Variants in COL10A1 observed in about 807,000 individuals in gnomAD.
The protein encoded by COL10A1 is collagen type X alpha 1 chain.
COL10A1 carries 10 observed loss-of-function variants against 18.2 expected under a neutral mutation model. That is an observed-to-expected ratio of 0.55 (90% CI 0.34 to 0.93). COL10A1 has a LOEUF of 0.93. Among genes scored for constraint, COL10A1 ranks in the 40% least tolerant of loss-of-function variants. COL10A1 has a pLI of 0.02. For synonymous variants in COL10A1, 330 were observed against 316.6 expected (o/e 1.04, Z -0.45); for missense variants, 897 against 853.5 (o/e 1.05, Z -0.64).
intron 2 of COL10A1, among the ~76,000 whole-genome samples, chr6:116,123,405 T>G (rs1484244784): frequency 6.6e-6 from 1 of 152,220 alleles, no homozygotes; most frequent in Non-Finnish European, 1.5e-5. Context: ...CATTCAAGAT[T>G]AGGGTGGCAC....
At chr6:116,197,221 G>C in the COL10A1 span, among the ~76,000 whole-genome samples, 5 of 152,050 alleles carry the variant, frequency 3.3e-5, no homozygotes, top group South Asian at 1.0e-3. Context: ...CCACGGATCT[G>C]CTTTGCCTGG....
At position 116,120,931 on chromosome 6, in the gene COL10A1, A is replaced by ACCTGGTTTTCCTGGGTAC. The variant is rs1779099963; in HGVS notation, c.1167_1184dup (p.Tyr390_Gly395dup). 1 of 1,613,440 alleles carries ACCTGGTTTTCCTGGGTAC rather than the reference A, an allele frequency of 6.2e-7. No homozygotes were observed. The highest frequency in any genetic ancestry group is 1.3e-5 in the African/African-American group (1 of 74,706). ...CTGGGTTACCCTTAGGACCATCGAGACCTGGTTTTCCTGGGTACCCTGGTT... is the reference window on the plus strand; with the variant it reads ...CTGGGTTACCCTTAGGACCATCGAGACCTGGTTTTCCTGGGTACCCTGGTTTTCCTGGGTACCCTGGTT... On this transcript the variant is annotated inframe_insertion, in exon 3 of 3. Transcript: ENST00000651968.
chr6:116,123,393 T>C (rs1779194168), intron 2 of COL10A1, among the ~76,000 whole-genome samples: 1 of 152,254 alleles, frequency 6.6e-6, no homozygotes, highest in African/African-American at 2.4e-5. Flanking sequence ...AAAAATTTTC[T>C]TCATTCAAGA....
intron 1 of COL10A1, among the ~76,000 whole-genome samples, chr6:116,155,231 C>T (rs150761614): frequency 1.4e-3 from 209 of 152,278 alleles, no homozygotes; most frequent in Non-Finnish European, 2.6e-3. Flanking sequence ...AGACAACTGT[C>T]GTGATGGTTA....
chr6:116,189,158 G>A, the COL10A1 span, among the ~76,000 whole-genome samples: 1 of 151,604 alleles, frequency 6.6e-6, no homozygotes, highest in African/African-American at 2.4e-5. Flanking sequence ...CTTGAATTTT[G>A]TTCTTTTTTT....
the COL10A1 span, among the ~76,000 whole-genome samples, chr6:116,209,470 T>G: frequency 6.6e-6 from 1 of 151,884 alleles, no homozygotes; most frequent in Non-Finnish European, 1.5e-5. Flanking sequence ...GATCTCAGAG[T>G]CTCAGAAGAA....
chr6:116,185,533 A>G, the COL10A1 span, among the ~76,000 whole-genome samples: 1 of 151,892 alleles, frequency 6.6e-6, no homozygotes, highest in African/African-American at 2.4e-5. Context: ...CTGTTTTATA[A>G]ATTTGGGAGC....
At chr6:116,170,769 A>G in the COL10A1 span, among the ~76,000 whole-genome samples, 2 of 152,298 alleles carry the variant, frequency 1.3e-5, no homozygotes, top group South Asian at 2.1e-4. Context: ...TCTGAAATCA[A>G]CTGAAAATAC....
At chr6:116,179,810 T>A in the COL10A1 span, among the ~76,000 whole-genome samples, 1 of 152,048 alleles carries the variant, frequency 6.6e-6, no homozygotes, top group African/African-American at 2.4e-5. Flanking sequence ...TAGAGTAATC[T>A]TATTTCTTTT....
chr6:116,127,440 C>T (rs2114317103), upstream of COL10A1, among the ~76,000 whole-genome samples: 1 of 152,084 alleles, frequency 6.6e-6, no homozygotes, highest in South Asian at 2.1e-4. Flanking sequence ...CTCATAGATA[C>T]ATATAAAATA....
At chr6:116,178,003 G>A in the COL10A1 span, among the ~76,000 whole-genome samples, 85 of 150,172 alleles carry the variant, frequency 5.7e-4, no homozygotes, top group Non-Finnish European at 1.5e-4. Flanking sequence ...TTACTTTGTG[G>A]AATTGTTTTA....
At chr6:116,196,404 A>G in the COL10A1 span, among the ~76,000 whole-genome samples, 1 of 152,170 alleles carries the variant, frequency 6.6e-6, no homozygotes, top group African/African-American at 2.4e-5. Flanking sequence ...AACCAGTTTT[A>G]CCTAATAGCA....
chr6:116,133,237 G>A (rs1040105105), intron 1 of COL10A1, among the ~76,000 whole-genome samples: 16 of 152,092 alleles, frequency 1.1e-4, no homozygotes, highest in African/African-American at 3.9e-4. Flanking sequence ...AGATCTTCAG[G>A]GATCTTGGCT....
At chr6:116,166,799 G>C in the COL10A1 span, among the ~76,000 whole-genome samples, 1 of 152,136 alleles carries the variant, frequency 6.6e-6, no homozygotes, top group Non-Finnish European at 1.5e-5. Flanking sequence ...ATGGTTCCCT[G>C]ATGTAAACTT....
rs142420929 is a variant in COL10A1 at position 116,133,768 on chromosome 6, A to G, written c.-15-8261T>C. 3.0e-3 allele frequency among the ~76,000 whole-genome samples: 459 copies of G among 152,240 alleles called. 2 individuals are homozygous for G. Among genetic ancestry groups the G allele is most frequent in the African/African-American group, 0.01 (434 of 41,554 alleles). On this transcript the variant is annotated intron_variant, in intron 1 of 1. Coordinates refer to the COL10A1 transcript ENST00000418500. ...CATCCCTGGTTCCTGCCTCTTGCCC[A>G]CCAGTAATGCTGACCAGATCACCTG...
the COL10A1 span, among the ~76,000 whole-genome samples, chr6:116,176,865 A>T: frequency 6.6e-6 from 1 of 152,126 alleles, no homozygotes; most frequent in African/African-American, 2.4e-5. Flanking sequence ...CTGTCCTGTG[A>T]TCTTCTCACT....
At chr6:116,130,014 A>T (rs576742813), upstream of COL10A1, among the ~76,000 whole-genome samples, 2 of 152,214 alleles carry the variant, frequency 1.3e-5, no homozygotes, top group East Asian at 1.9e-4. Context: ...GAAGCCCTTA[A>T]TTGCTGGTGT....
At chr6:116,174,260 C>T in the COL10A1 span, among the ~76,000 whole-genome samples, 1 of 152,136 alleles carries the variant, frequency 6.6e-6, no homozygotes, top group East Asian at 1.9e-4. Context: ...TCACTAAGTC[C>T]AGCCCACTCT....
chr6:116,144,278 G>A (rs1412900939), intron 1 of COL10A1, among the ~76,000 whole-genome samples: 2 of 152,122 alleles, frequency 1.3e-5, no homozygotes, highest in African/African-American at 2.4e-5. Context: ...CGAGGCGGGC[G>A]GATCATGAAG....
Sources: allele counts gnomAD v4.1 joint callset (sites outside exome capture counted in the v4.1 genomes callset), GRCh38; gene constraint gnomAD v4.1.1; transcripts MANE v1.5; gene names NCBI Gene and HGNC (gene_info 2026-07-23, HGNC 2026-07-21).